GRAMD1B: variants seen among roughly 807,000 people sequenced by gnomAD.
GRAMD1B encodes the protein protein Aster-B.
Under a neutral mutation model 99.7 loss-of-function variants are expected in GRAMD1B, and 37 were observed. The ratio of observed to expected loss-of-function variants is 0.37; its 90% CI spans 0.29 to 0.49. The LOEUF (loss-of-function observed/expected upper bound fraction) is 0.49, where lower values mean the gene tolerates loss of function less well. Ranked by LOEUF, GRAMD1B falls within the 20% of genes least tolerant of loss-of-function variation. GRAMD1B has a pLI of 0.98. For missense variants in GRAMD1B, 888 were observed against 1,009.2 expected, an observed-to-expected ratio of 0.88 and a Z score of 1.63; for synonymous variants, 427 against 387.6, an observed-to-expected ratio of 1.10 and a Z score of -1.19.
intron 1 of GRAMD1B, among the ~76,000 whole-genome samples, chr11:123,388,494 A>G (rs1301244277): frequency 6.6e-6 from 1 of 151,950 alleles, no homozygotes; most frequent in Non-Finnish European, 1.5e-5. Flanking sequence ...GCAACATGGC[A>G]AGACCCCGTC....
intron 8 of GRAMD1B, 37 bp from the exon 9 acceptor site, chr11:123,603,389 G>A: frequency 7.6e-7 from 1 of 1,309,196 alleles, no homozygotes; most frequent in Non-Finnish European, 1.1e-6. Flanking sequence ...GGGGACCTGA[G>A]GGAGCAAGGC....
intron 2 of GRAMD1B, among the ~76,000 whole-genome samples, chr11:123,559,212 A>C (rs941169981): frequency 4.6e-5 from 7 of 152,220 alleles, no homozygotes; most frequent in African/African-American, 1.7e-4. Flanking sequence ...GAAGATTCTT[A>C]GGGGATTAAA....
intron 7 of GRAMD1B, chr11:123,598,461 A>T (rs1226021892): frequency 1.0e-6 from 1 of 1,001,488 alleles, no homozygotes; most frequent in Non-Finnish European, 1.6e-6. Context: ...GAGAATCTCT[A>T]CGTATTCATA....
chr11:123,458,078 T>C (rs1397567207), intron 1 of GRAMD1B, among the ~76,000 whole-genome samples: 2 of 152,150 alleles, frequency 1.3e-5, no homozygotes, highest in African/African-American at 4.8e-5. Flanking sequence ...TGCGTATGTA[T>C]GCTACACAGA....
chr11:123,613,259 A>C (rs1953853246), intron 15 of GRAMD1B, 196 bp from the exon 16 acceptor site: 1 of 590,358 alleles, frequency 1.7e-6, no homozygotes. Flanking sequence ...GGTTCCTTGC[A>C]ATGTTGAACA....
At chr11:123,389,966 A>G (rs113087591) in intron 1 of GRAMD1B, among the ~76,000 whole-genome samples, 4,071 of 152,238 alleles carry the variant, frequency 0.027, 195 homozygotes, top group African/African-American at 0.094. Context: ...CATGTTGGCC[A>G]GGCTGGTCTC....
chr11:123,440,629 A>G (rs748477247), intron 1 of GRAMD1B, among the ~76,000 whole-genome samples: 5 of 152,376 alleles, frequency 3.3e-5, no homozygotes, highest in Admixed American at 6.5e-5. Flanking sequence ...TAGAGGGTAT[A>G]TTGATCTGTT....
intron 1 of GRAMD1B, among the ~76,000 whole-genome samples, chr11:123,371,187 T>C (rs1946516992): frequency 6.6e-6 from 1 of 151,872 alleles, no homozygotes; most frequent in African/African-American, 2.4e-5. Flanking sequence ...GAACAAAATA[T>C]GGAGCTGTTG....
chr11:123,490,350 A>G (rs145892144), intron 2 of GRAMD1B, among the ~76,000 whole-genome samples: 1 of 152,334 alleles, frequency 6.6e-6, no homozygotes, highest in African/African-American at 2.4e-5. Context: ...CAGGATGACC[A>G]GGATATAGCA....
At chr11:123,514,114 TG>T (rs1258545123) in intron 2 of GRAMD1B, among the ~76,000 whole-genome samples, 4 of 152,186 alleles carry the variant, frequency 2.6e-5, no homozygotes, top group African/African-American at 9.7e-5. Context: ...GAGTTGTTCA[TG>T]GGTCCTCGGG....
chr11:123,404,527 A>C (rs2135937370), intron 1 of GRAMD1B, among the ~76,000 whole-genome samples: 1 of 152,344 alleles, frequency 6.6e-6, no homozygotes, highest in Middle Eastern at 3.4e-3. Context: ...CTCACATTTT[A>C]AAATTGAGAT....
At chr11:123,581,870 C>A (rs1949391138) in intron 3 of GRAMD1B, among the ~76,000 whole-genome samples, 1 of 152,244 alleles carries the variant, frequency 6.6e-6, no homozygotes, top group African/African-American at 2.4e-5. Flanking sequence ...GATGTGCCAG[C>A]CCATGCAAAG....
At chr11:123,452,332 A>T (rs1949924152) in intron 1 of GRAMD1B, among the ~76,000 whole-genome samples, 1 of 152,190 alleles carries the variant, frequency 6.6e-6, no homozygotes, top group South Asian at 2.1e-4. Flanking sequence ...AGATCTTGTG[A>T]AGGACATTTT....
rs1327435301 is a variant in GRAMD1B, at chr11:123,605,463, T to C, written c.1308T>C (p.Ser436=). The C allele has an allele frequency of 6.2e-7, 1 of 1,611,662 alleles. No individual in the cohort carries two copies. The highest frequency in any genetic ancestry group is 1.3e-5 in the African/African-American group (1 of 74,944). ...TNSTLTSTGS[S]EAPVSFDGLP... is the part of the protein sequence containing the mutation. ...GCACACTAACATCCACAGGGAGCAG[T>C]GAGGCCCCCGTCTCGGTATGGGCAG... The change falls in exon 10 of 20, where the codon AGT becomes AGC. Residue 436 remains serine (S), a synonymous_variant. Coordinates refer to ENST00000635736, the MANE Select transcript of GRAMD1B (RefSeq NM_001387025.1).
intron 15 of GRAMD1B, 72 bp downstream of exon 15, chr11:123,612,936 A>AATGGT: frequency 3.7e-6 from 3 of 815,152 alleles, no homozygotes; most frequent in Non-Finnish European, 6.2e-6. Flanking sequence ...CCCACCATTC[A>AATGGT]GGGGAATGGT....
chr11:123,371,232 A>C (rs983844565), intron 1 of GRAMD1B, among the ~76,000 whole-genome samples: 3 of 152,050 alleles, frequency 2.0e-5, no homozygotes, highest in African/African-American at 7.3e-5. Context: ...AGGCTGTAAA[A>C]ATCCAGGTTG....
At chr11:123,484,294 G>A (rs1951768966) in intron 2 of GRAMD1B, among the ~76,000 whole-genome samples, 1 of 152,166 alleles carries the variant, frequency 6.6e-6, no homozygotes, top group African/African-American at 2.4e-5. Flanking sequence ...GAGATGAGTA[G>A]TGCTGAGATG....
chr11:123,607,030 T>C (rs1952840026), intron 11 of GRAMD1B, among the ~76,000 whole-genome samples: 1 of 152,178 alleles, frequency 6.6e-6, no homozygotes, highest in Non-Finnish European at 1.5e-5. Flanking sequence ...TCACTAAATG[T>C]TCCCCCTATT....
chr11:123,589,054 C>T (rs79107357), intron 4 of GRAMD1B, among the ~76,000 whole-genome samples: 1 of 151,688 alleles, frequency 6.6e-6, no homozygotes, highest in Non-Finnish European at 1.5e-5. Context: ...GTGTTCCATT[C>T]CTACAAACCT....
Sources: allele counts gnomAD v4.1 joint callset (sites outside exome capture counted in the v4.1 genomes callset), GRCh38; gene constraint gnomAD v4.1.1; transcripts MANE v1.5; gene names NCBI Gene and HGNC (gene_info 2026-07-23, HGNC 2026-07-21).